Variants in TNFSF4 observed in about 807,000 individuals in gnomAD.
TNFSF4 encodes TNF superfamily member 4.
TNFSF4 carries 4 observed loss-of-function variants against 7.3 expected under a neutral mutation model. That is an observed-to-expected ratio of 0.55 (90% CI 0.27 to 1.25). The LOEUF (loss-of-function observed/expected upper bound fraction) is 1.25, where lower values mean the gene tolerates loss of function less well. Among genes scored for constraint, TNFSF4 ranks in the 50% most tolerant of loss-of-function variants. The pLI, the probability that TNFSF4 is intolerant of heterozygous loss-of-function variation, is 0.12. For missense variants in TNFSF4, 181 were observed against 208.8 expected, an observed-to-expected ratio of 0.87 and a Z score of 0.82; for synonymous variants, 76 against 83.7, an observed-to-expected ratio of 0.91 and a Z score of 0.50.
the TNFSF4 span, among the ~76,000 whole-genome samples, chr1:173,313,492 A>AATTATAATAGTAT: frequency 6.6e-6 from 1 of 152,090 alleles, no homozygotes; most frequent in Non-Finnish European, 1.5e-5. Flanking sequence ...TAATATATTT[A>AATTATAATAGTAT]ATTATAATAG....
chr1:173,243,180 T>C, the TNFSF4 span, among the ~76,000 whole-genome samples: 1 of 152,240 alleles, frequency 6.6e-6, no homozygotes, highest in East Asian at 1.9e-4. Context: ...AGACAACAAC[T>C]TAAGCACTGT....
the TNFSF4 span, among the ~76,000 whole-genome samples, chr1:173,422,324 G>A: frequency 3.2e-5 from 2 of 62,194 alleles, no homozygotes; most frequent in Non-Finnish European, 2.8e-5. Flanking sequence ...GGTGCCCAGA[G>A]TGAAAAAAAA....
At chr1:173,306,871 A>C in the TNFSF4 span, among the ~76,000 whole-genome samples, 1 of 151,898 alleles carries the variant, frequency 6.6e-6, no homozygotes, top group Admixed American at 6.6e-5. Flanking sequence ...GCCCCAAGTC[A>C]GCAGAGCTCA....
chr1:173,216,893 A>T, the TNFSF4 span, among the ~76,000 whole-genome samples: 1 of 152,044 alleles, frequency 6.6e-6, no homozygotes, highest in African/African-American at 2.4e-5. Flanking sequence ...TCTTACCCTT[A>T]TTCTTCCTAT....
At chr1:173,205,255 G>T (rs1255476946) in intron 1 of TNFSF4, 4 of 1,600,970 alleles carry the variant, frequency 2.5e-6, no homozygotes, top group Non-Finnish European at 3.4e-6. Context: ...CCTATGTCTT[G>T]CTTCCATCTC....
chr1:173,249,283 C>G, the TNFSF4 span, among the ~76,000 whole-genome samples: 2 of 152,154 alleles, frequency 1.3e-5, no homozygotes, highest in African/African-American at 4.8e-5. Flanking sequence ...CATTTTAAAG[C>G]AACAAGAGGA....
At chr1:173,395,371 GTATATAATATATATATATATATATATATA>G in the TNFSF4 span, among the ~76,000 whole-genome samples, 3 of 76,480 alleles carry the variant, frequency 3.9e-5, 1 homozygote, top group African/African-American at 1.4e-4. Context: ...TGGTGACTGT[GTATATAATATATATATATATATATATATA>G]TATATATATA....
the TNFSF4 span, among the ~76,000 whole-genome samples, chr1:173,368,190 T>G: frequency 1.3e-5 from 2 of 152,092 alleles, no homozygotes; most frequent in Non-Finnish European, 2.9e-5. Context: ...GCCACCCCCA[T>G]TCAGCAGCAG....
the TNFSF4 span, among the ~76,000 whole-genome samples, chr1:173,326,127 G>A: frequency 6.6e-6 from 1 of 152,074 alleles, no homozygotes; most frequent in Admixed American, 6.5e-5. Flanking sequence ...ATAAAATACT[G>A]GCAAATGGAA....
At chr1:173,405,064 G>T in the TNFSF4 span, among the ~76,000 whole-genome samples, 180 of 152,136 alleles carry the variant, frequency 1.2e-3, 1 homozygote, top group African/African-American at 4.0e-3. Context: ...TATGTTCATT[G>T]TCTATCTTCC....
chr1:173,178,776 C>T (rs1648997885), downstream of TNFSF4, among the ~76,000 whole-genome samples: 3 of 152,070 alleles, frequency 2.0e-5, no homozygotes, highest in Non-Finnish European at 4.4e-5. Context: ...ATGTTACCTC[C>T]TGGCAAAACA....
intron 1 of TNFSF4, among the ~76,000 whole-genome samples, chr1:173,206,457 A>T (rs1312805330): frequency 6.6e-6 from 1 of 152,224 alleles, no homozygotes; most frequent in Non-Finnish European, 1.5e-5. Flanking sequence ...ACTGGAAGAG[A>T]TAGATTGTGA....
the TNFSF4 span, among the ~76,000 whole-genome samples, chr1:173,413,981 C>T: frequency 6.6e-6 from 1 of 152,054 alleles, no homozygotes; most frequent in Non-Finnish European, 1.5e-5. Context: ...GGCAAAAGAC[C>T]CTTAACACCC....
At chr1:173,276,958 T>TACAAGTAC in the TNFSF4 span, among the ~76,000 whole-genome samples, 126 of 152,254 alleles carry the variant, frequency 8.3e-4, no homozygotes, top group African/African-American at 2.9e-3. Flanking sequence ...CTTCCCTTCA[T>TACAAGTAC]ACAAGTACAC....
the TNFSF4 span, among the ~76,000 whole-genome samples, chr1:173,437,425 GTTA>G: frequency 6.6e-6 from 1 of 152,044 alleles, no homozygotes; most frequent in Non-Finnish European, 1.5e-5. Flanking sequence ...GTAGCTTTAA[GTTA>G]TTATATAACC....
the TNFSF4 span, among the ~76,000 whole-genome samples, chr1:173,323,319 G>A: frequency 6.6e-6 from 1 of 152,216 alleles, no homozygotes; most frequent in African/African-American, 2.4e-5. Flanking sequence ...ACCTGCAGCT[G>A]AGGGTCCTGA....
the TNFSF4 span, among the ~76,000 whole-genome samples, chr1:173,324,580 A>G: frequency 6.6e-6 from 1 of 152,364 alleles, no homozygotes; most frequent in African/African-American, 2.4e-5. Context: ...AATTGAATAA[A>G]GAGTCAAGAC....
the TNFSF4 span, among the ~76,000 whole-genome samples, chr1:173,442,507 TTG>T: frequency 6.6e-6 from 1 of 152,058 alleles, no homozygotes; most frequent in African/African-American, 2.4e-5. Flanking sequence ...TCGGGTTTTT[TTG>T]TTTGTTTGGT....
intron 1 of TNFSF4, among the ~76,000 whole-genome samples, chr1:173,203,438 T>C (rs1020591127): frequency 6.6e-6 from 1 of 152,350 alleles, no homozygotes; most frequent in African/African-American, 2.4e-5. Flanking sequence ...TTATCTTATT[T>C]GCAGGTCTAT....
Sources: gnomAD v4.1 joint callset for allele counts (sites outside exome capture counted in the v4.1 genomes callset) on GRCh38, gnomAD v4.1.1 for gene constraint, MANE v1.5 for transcripts, NCBI Gene and HGNC (gene_info 2026-07-23, HGNC 2026-07-21) for gene names.